Variants in PTPN3 observed in about 807,000 individuals in gnomAD.
PTPN3 encodes protein tyrosine phosphatase non-receptor type 3, also known as tyrosine-protein phosphatase non-receptor type 3.
A neutral mutation model predicts 132.7 loss-of-function variants in PTPN3; 96 were observed. The ratio of observed to expected loss-of-function variants is 0.72; its 90% CI spans 0.61 to 0.86. The LOEUF (loss-of-function observed/expected upper bound fraction) is 0.86. Ranked by LOEUF, PTPN3 falls within the 40% of genes least tolerant of loss-of-function variation. The pLI is 0.00. For synonymous variants in PTPN3, 398 were observed against 429.0 expected (o/e 0.93, Z 0.89); for missense variants, 1,125 against 1,159.6 (o/e 0.97, Z 0.43).
At chr9:109,479,715 G>T (rs1201894747) in intron 1 of PTPN3, among the ~76,000 whole-genome samples, 1 of 152,164 alleles carries the variant, frequency 6.6e-6, no homozygotes, top group Non-Finnish European at 1.5e-5. Context: ...TAGTAGCTGG[G>T]ACTACAAGTG....
chr9:109,455,636 C>A (rs1434034941), intron 4 of PTPN3, among the ~76,000 whole-genome samples: 5 of 152,232 alleles, frequency 3.3e-5, no homozygotes, highest in Admixed American at 6.5e-5. Context: ...AGAACAATGT[C>A]CTCCTGCTGC....
chr9:109,432,693 G>A (rs1397463050), intron 10 of PTPN3, among the ~76,000 whole-genome samples: 5 of 152,164 alleles, frequency 3.3e-5, no homozygotes, highest in South Asian at 4.1e-4. Context: ...TGGACACTTG[G>A]TAAAGGTTCA....
At chr9:109,531,357 C>G in the PTPN3 span, among the ~76,000 whole-genome samples, 2 of 152,144 alleles carry the variant, frequency 1.3e-5, no homozygotes, top group African/African-American at 4.8e-5. Context: ...TGATGAAGGG[C>G]TAAGACAAGC....
intron 2 of PTPN3, 90 bp downstream of exon 2, chr9:109,463,205 ATT>A: frequency 1.6e-6 from 2 of 1,276,172 alleles, no homozygotes; most frequent in Non-Finnish European, 2.1e-6. Context: ...ATTTTAAAAT[ATT>A]TTTTTCTTCA....
chr9:109,509,836 T>A, the PTPN3 span, among the ~76,000 whole-genome samples: 1 of 151,708 alleles, frequency 6.6e-6, no homozygotes. Flanking sequence ...ACACAGCTTG[T>A]GCCAGTTATG....
chr9:109,485,503 G>A (rs990086489), intron 1 of PTPN3, among the ~76,000 whole-genome samples: 40 of 151,652 alleles, frequency 2.6e-4, no homozygotes, highest in African/African-American at 8.5e-4. Flanking sequence ...GAGAGACTAC[G>A]TCTCAAGAAA....
intron 12 of PTPN3, among the ~76,000 whole-genome samples, chr9:109,423,838 A>G (rs1400715343): frequency 6.6e-6 from 1 of 152,196 alleles, no homozygotes; most frequent in Non-Finnish European, 1.5e-5. Flanking sequence ...TCTTATGAAA[A>G]CATTCTACAC....
intron 1 of PTPN3, among the ~76,000 whole-genome samples, chr9:109,472,543 A>G (rs1393984947): frequency 6.6e-6 from 1 of 152,242 alleles, no homozygotes. Context: ...ATGCCCAAAT[A>G]TCTTAGAAAA....
At chr9:109,397,847 C>T (rs1319881800) in intron 19 of PTPN3, 1 of 152,218 alleles carries the variant, frequency 6.6e-6, no homozygotes, top group Admixed American at 6.5e-5. Context: ...AAAGGCTGCA[C>T]ACACGGTCAT....
intron 18 of PTPN3, among the ~76,000 whole-genome samples, chr9:109,404,938 G>T (rs913810026): frequency 1.3e-5 from 2 of 152,268 alleles, no homozygotes; most frequent in East Asian, 3.9e-4. Flanking sequence ...TTCTGACCGG[G>T]TTATTCTTCT....
chr9:109,384,323 C>G (rs565459507), intron 22 of PTPN3, among the ~76,000 whole-genome samples: 1 of 152,236 alleles, frequency 6.6e-6, no homozygotes, highest in African/African-American at 2.4e-5. Context: ...AGCAGCGTCT[C>G]TGAAGCCCTT....
At chr9:109,434,296 C>A (rs1843872541) in intron 9 of PTPN3, among the ~76,000 whole-genome samples, 1 of 149,818 alleles carries the variant, frequency 6.7e-6, no homozygotes, top group Non-Finnish European at 1.5e-5. Context: ...GCATGTGCCA[C>A]CACGCCCAGC....
At chr9:109,454,412 C>T in intron 5 of PTPN3, 84 bp downstream of exon 5, 2 of 1,158,532 alleles carry the variant, frequency 1.7e-6, no homozygotes, top group Non-Finnish European at 2.6e-6. Flanking sequence ...AGTTATTTGG[C>T]CATAGTAATA....
the PTPN3 span, among the ~76,000 whole-genome samples, chr9:109,506,538 C>G: frequency 2.0e-5 from 3 of 150,824 alleles, no homozygotes; most frequent in Non-Finnish European, 4.4e-5. Flanking sequence ...CTCCCTCCCT[C>G]CTTTCCTCCC....
intron 12 of PTPN3, among the ~76,000 whole-genome samples, chr9:109,424,873 G>A (rs927950457): frequency 3.3e-5 from 5 of 152,324 alleles, no homozygotes; most frequent in South Asian, 2.1e-4. Context: ...CCAGAACCCA[G>A]CCCTGCTGGC....
chr9:109,527,055 G>A, the PTPN3 span, among the ~76,000 whole-genome samples: 1 of 152,218 alleles, frequency 6.6e-6, no homozygotes, highest in African/African-American at 2.4e-5. Flanking sequence ...GATTCTAAAG[G>A]GCAACATAAC....
At chr9:109,428,872 G>A in intron 10 of PTPN3, 188 bp from the exon 11 acceptor site, 1 of 985,426 alleles carries the variant, frequency 1.0e-6, no homozygotes, top group South Asian at 4.7e-5. Flanking sequence ...GTAGCTGACT[G>A]AAGCTGAGCA....
intron 2 of PTPN3, 101 bp from the exon 3 acceptor site, chr9:109,457,500 T>C: frequency 1.2e-6 from 1 of 863,942 alleles, no homozygotes; most frequent in Non-Finnish European, 1.8e-6. Flanking sequence ...TCAGAAATGC[T>C]ATGCACACAC....
At chr9:109,387,187 T>C (rs920251467) in intron 22 of PTPN3, among the ~76,000 whole-genome samples, 2 of 152,056 alleles carry the variant, frequency 1.3e-5, no homozygotes, top group Non-Finnish European at 2.9e-5. Flanking sequence ...GGTAGATGTG[T>C]CCTATCAACA....
Sources: gnomAD v4.1 joint callset for allele counts (sites outside exome capture counted in the v4.1 genomes callset) on GRCh38, gnomAD v4.1.1 for gene constraint, MANE v1.5 for transcripts, NCBI Gene and HGNC (gene_info 2026-07-23, HGNC 2026-07-21) for gene names.